SEMA6B: variants seen among roughly 807,000 people sequenced by gnomAD.
SEMA6B encodes semaphorin-6B.
SEMA6B carries 47 observed loss-of-function variants against 78.6 expected under a neutral mutation model. The ratio of observed to expected loss-of-function variants is 0.60; its 90% CI spans 0.47 to 0.76. SEMA6B has a LOEUF of 0.76. Among genes scored for constraint, SEMA6B ranks in the 30% least tolerant of loss-of-function variants. The pLI is 0.00. For synonymous variants in SEMA6B, 632 were observed against 592.2 expected, an observed-to-expected ratio of 1.07 and a Z score of -0.98; for missense variants, 1,213 against 1,269.9, an observed-to-expected ratio of 0.96 and a Z score of 0.68.
intron 14 of SEMA6B, 126 bp downstream of exon 14, chr19:4,547,901 G>A (rs1977210738): frequency 7.9e-7 from 1 of 1,263,316 alleles, no homozygotes; most frequent in African/African-American, 1.5e-5. Context: ...CCTTTGCACG[G>A]GCCATGCCCT....
intron 9 of SEMA6B, 128 bp downstream of exon 9, chr19:4,554,259 AG>A: frequency 1.4e-6 from 1 of 713,476 alleles, no homozygotes; most frequent in Non-Finnish European, 2.4e-6. Flanking sequence ...GCTGGAAAGG[AG>A]GCCCTGGGGA....
At chr19:4,547,249 C>T (rs1002210226) in intron 14 of SEMA6B, among the ~76,000 whole-genome samples, 2 of 152,066 alleles carry the variant, frequency 1.3e-5, no homozygotes, top group Non-Finnish European at 2.9e-5. Context: ...GGATGACAGA[C>T]GTGAGCTACC....
rs770360894 is a variant in SEMA6B at position 4,556,040 on chromosome 19, G to A, written c.419C>T (p.Thr140Met). The stretch of plus-strand genomic sequence containing the variant: ...GGCGTTGGAACCGCACACAAAGAGC[G>A]TGGACTCGTCCCGAAGGAGCAGCAC... ...VKVLLLRDESTLFVCGSNAFN... is the reference protein window; with the variant it reads ...VKVLLLRDESMLFVCGSNAFN... Residue 140 changes from threonine (T) to methionine (M), a missense_variant, in exon 6 of 17, where the codon ACG becomes ATG. Coordinates refer to ENST00000586582, the MANE Select transcript of SEMA6B (RefSeq NM_032108.4). 6.2e-7 allele frequency: 1 copy of A among 1,614,134 alleles called. No homozygotes were observed.
chr19:4,543,374 T>TGGGGGGGGGGGGCCCC lies in SEMA6B; in HGVS notation c.*226_*227insGGGGCCCCCCCCCCCC. ...CAACCTCAAATCCATAGCAAAGTCC[T>TGGGGGGGGGGGGCCCC]CCCGCCCACCCACCCCCAAACCGTC... On this transcript the variant is annotated 3_prime_UTR_variant, in exon 17 of 17. Coordinates refer to ENST00000586582, the MANE Select transcript of SEMA6B (RefSeq NM_032108.4). 2.8e-6 allele frequency: 1 copy of TGGGGGGGGGGGGCCCC among 363,598 alleles called. No individual in the cohort carries two copies. Among genetic ancestry groups the TGGGGGGGGGGGGCCCC allele is most frequent in the Non-Finnish European group, 4.8e-6 (1 of 208,180 alleles). 22.5% of individuals were successfully genotyped at this position (363,598 alleles called of 1,614,324 possible).
At chr19:4,551,747 T>C (rs564531307) in intron 10 of SEMA6B, among the ~76,000 whole-genome samples, 1 of 151,874 alleles carries the variant, frequency 6.6e-6, no homozygotes, top group African/African-American at 2.4e-5. Flanking sequence ...GAGAATTGCT[T>C]GAACCCAGGA....
rs764045862 is a variant in SEMA6B, at chr19:4,555,997, G to T, written c.462C>A (p.Ala154=). The T allele has an allele frequency of 6.2e-7, 1 of 1,613,586 alleles. No homozygotes were observed. Among genetic ancestry groups the T allele is most frequent in the East Asian group, 2.2e-5 (1 of 44,876 alleles). The part of the protein sequence containing the change: ...CGSNAFNPVC[A]NYSIDTLQPV... The stretch of plus-strand genomic sequence containing the variant: ...GAGTCTGAAGACTCACGCTGTAGTT[G>T]GCGCACACCGGGTTGAAGGCGTTGG... Residue 154 remains alanine, a synonymous_variant, in exon 6 of 17, where the codon GCC becomes GCA. Transcript: ENST00000586582. The surrounding 1 kb of genome is among the most constrained non-coding windows in gnomAD (Gnocchi z 6.1).
At position 4,552,691 on chromosome 19, in the gene SEMA6B, CCT is replaced by C. The variant is rs1451488526; in HGVS notation, c.772-54_772-53del. 1.3e-6 allele frequency: 2 copies of C among 1,523,888 alleles called. No homozygotes were observed. The highest frequency in any genetic ancestry group is 2.5e-5 in the South Asian group (2 of 80,134). The allele number at this position is 1,523,888 out of a possible 1,614,324, so 94.4% of individuals were successfully genotyped here. On this transcript the variant is annotated intron_variant, in intron 9 of 16. Coordinates refer to ENST00000586582, the MANE Select transcript of SEMA6B (RefSeq NM_032108.4). This position sits in a 1 kb window ranked among gnomAD's most constrained non-coding sequence, Gnocchi z 7.4. Reference sequence around the variant, plus strand: ...GCCTGAGCTCTGTGTCCCAGGAAGGCCTGTTCACAGGCTGTGCCACTCACCAC... The same window carrying C: ...GCCTGAGCTCTGTGTCCCAGGAAGGCGTTCACAGGCTGTGCCACTCACCAC...
At chr19:4,557,274 C>T (rs1977499196) in intron 3 of SEMA6B, 51 bp from the exon 4 acceptor site, 3 of 1,392,076 alleles carry the variant, frequency 2.2e-6, no homozygotes, top group African/African-American at 1.4e-5. Context: ...CACCCTCTCC[C>T]GTTCCATCCT....
rs1460812279 is a variant in SEMA6B, at chr19:4,553,447, A to AGTGG, written c.772-812_772-809dup. Among the ~76,000 whole-genome samples the AGTGG allele has an allele frequency of 8.3e-3, 641 of 77,386 alleles. 14 individuals carry two copies. Among genetic ancestry groups the AGTGG allele is most frequent in the African/African-American group, 0.037 (602 of 16,256 alleles). 50.8% of individuals were successfully genotyped at this position (77,386 alleles called of 152,430 possible). On this transcript the variant is annotated intron_variant, in intron 9 of 16. Coordinates refer to ENST00000586582, the MANE Select transcript of SEMA6B (RefSeq NM_032108.4). Reference sequence around the variant, plus strand: ...GGATGGGTGGATGGTTGGATGGGTGAGTGGATGGATGGATGGATGGATGGA... The same window carrying AGTGG: ...GGATGGGTGGATGGTTGGATGGGTGAGTGGGTGGATGGATGGATGGATGGATGGA...
chr19:4,551,299 A>G (rs1977326280), intron 10 of SEMA6B, among the ~76,000 whole-genome samples: 2 of 149,092 alleles, frequency 1.3e-5, no homozygotes, highest in Admixed American at 1.3e-4. Context: ...AGGTCACTGT[A>G]ACCTACACCT....
In SEMA6B at chr19:4,550,326, C is replaced by T. The variant is rs569302336; in HGVS notation, c.1122-54G>A. ...GAACGTAAAGGTTCTCATAAAGGGG[C>T]CTGATTCACCAGAGGTACCCATTGC... is the stretch of plus-strand genomic sequence containing the variant. On this transcript the variant is annotated intron_variant, in intron 11 of 16. Transcript: ENST00000586582. The surrounding 1 kb of genome is among the most constrained non-coding windows in gnomAD (Gnocchi z 6.6). 6.9e-6 allele frequency: 11 copies of T among 1,588,608 alleles called. No individual in the cohort carries two copies. The highest frequency in any genetic ancestry group is 6.6e-5 in the South Asian group (6 of 90,446).
Position 4,544,197 on chromosome 19 carries a change from T to C in SEMA6B, c.2071A>G (p.Lys691Glu). 7.9e-7 allele frequency: 1 copy of C among 1,272,082 alleles called. No homozygotes were observed. Among genetic ancestry groups the C allele is most frequent in the Non-Finnish European group, 9.9e-7 (1 of 1,011,120 alleles). 78.8% of individuals were successfully genotyped at this position (1,272,082 alleles called of 1,614,324 possible). Residue 691 changes from lysine (K) to glutamate (E), a missense_variant, in exon 17 of 17, where the codon AAG (lysine) becomes GAG (glutamate). Coordinates refer to ENST00000586582, the MANE Select transcript of SEMA6B (RefSeq NM_032108.4). This position sits in a 1 kb window ranked among gnomAD's most constrained non-coding sequence, Gnocchi z 5.1. ...GGCCCGCCCTGCAGCAGCGTGGCCT[T>C]GGCCCAGCCGTTCTGCATCAGGGGC... ...LAPLMQNGWA[K>E]ATLLQGGPHD...
In SEMA6B at chr19:4,550,917, C is replaced by A. The variant is rs1323242993; in HGVS notation, c.1003G>T (p.Ala335Ser). The A allele has an allele frequency of 6.2e-7, 1 of 1,613,524 alleles. No individual in the cohort carries two copies. Among genetic ancestry groups the A allele is most frequent in the South Asian group, 1.1e-5 (1 of 91,072 alleles). Residue 335 changes from alanine to serine, a missense_variant, in exon 11 of 17, where the codon GCT (alanine) becomes TCT (serine). Coordinates refer to ENST00000586582, the MANE Select transcript of SEMA6B (RefSeq NM_032108.4). The surrounding 1 kb of genome is among the most constrained non-coding windows in gnomAD (Gnocchi z 6.6). ...TGTGTCAGGTCAAAGGCGCAGACAGCCGAGCCAGGGATGCTGAGGGGTTGG... is the reference window on the plus strand; with the variant it reads ...TGTGTCAGGTCAAAGGCGCAGACAGACGAGCCAGGGATGCTGAGGGGTTGG... The part of the protein sequence containing the change: ...STPSNSIPGS[A>S]VCAFDLTQVA...
rs1303432857 is a variant in SEMA6B, at chr19:4,556,026, C to T, written c.433G>A (p.Gly145Ser). 31 of 1,614,026 alleles carry T rather than the reference C, an allele frequency of 1.9e-5. No homozygotes were observed. The highest frequency in any genetic ancestry group is 2.5e-5 in the Non-Finnish European group (29 of 1,180,018). The change falls in exon 6 of 17, where the codon GGT becomes AGT. Residue 145 changes from glycine to serine, a missense_variant. Coordinates refer to ENST00000586582, the MANE Select transcript of SEMA6B (RefSeq NM_032108.4). Reference sequence around the variant, plus strand: ...CACACCGGGTTGAAGGCGTTGGAACCGCACACAAAGAGCGTGGACTCGTCC... The same window carrying T: ...CACACCGGGTTGAAGGCGTTGGAACTGCACACAAAGAGCGTGGACTCGTCC... ...LRDESTLFVC[G>S]SNAFNPVCAN...
rs1371680786 is a variant in SEMA6B, at chr19:4,550,897, C to G, written c.1023G>C (p.Leu341=). 4 of 1,613,466 alleles carry G rather than the reference C, an allele frequency of 2.5e-6. No individual in the cohort carries two copies. In the African/African-American group the frequency reaches 5.3e-5, roughly 22 times the overall value. The part of the protein sequence containing the change: ...IPGSAVCAFD[L]TQVAAVFEGR... ...CTTCAAACACAGCTGCCACCTGTGT[C>G]AGGTCAAAGGCGCAGACAGCCGAGC... Residue 341 remains leucine (L), a synonymous_variant, in exon 11 of 17, where the codon CTG becomes CTC. Coordinates refer to ENST00000586582, the MANE Select transcript of SEMA6B (RefSeq NM_032108.4). The surrounding 1 kb of genome is among the most constrained non-coding windows in gnomAD (Gnocchi z 6.6).
intron 5 of SEMA6B, 117 bp downstream of exon 5, chr19:4,556,834 T>G (rs1412495368): frequency 2.2e-4 from 145 of 662,286 alleles, no homozygotes; most frequent in African/African-American, 2.0e-3. Context: ...TGATTGGGGG[T>G]GGGTTGGGGC....
rs139354638 is a variant in SEMA6B, at chr19:4,550,074, C to A, written c.1271+49G>T. 25 of 1,594,746 alleles carry A rather than the reference C, an allele frequency of 1.6e-5. 1 individual carries two copies. In the South Asian group the frequency reaches 2.7e-4, roughly 17 times the overall value. On this transcript the variant is annotated intron_variant, in intron 12 of 16. Coordinates refer to ENST00000586582, the MANE Select transcript of SEMA6B (RefSeq NM_032108.4). The surrounding 1 kb of genome is among the most constrained non-coding windows in gnomAD (Gnocchi z 6.6). Reference sequence around the variant, plus strand: ...GCATCTGGATCCTCTCACCCTCCATCTACCCCATCCTGTCTCCCCTCGCCA... The same window carrying A: ...GCATCTGGATCCTCTCACCCTCCATATACCCCATCCTGTCTCCCCTCGCCA...
At chr19:4,547,431 G>A (rs1977198864) in intron 14 of SEMA6B, among the ~76,000 whole-genome samples, 1 of 152,232 alleles carries the variant, frequency 6.6e-6, no homozygotes, top group African/African-American at 2.4e-5. Flanking sequence ...CAGAGGCTGT[G>A]CCCTTGGACT....
chr19:4,558,376 G>A lies in SEMA6B; in HGVS notation c.82C>T (p.Pro28Ser), dbSNP rs1599784719. 7.8e-6 allele frequency: 10 copies of A among 1,278,900 alleles called. No homozygotes were observed. The highest frequency in any genetic ancestry group is 1.0e-5 in the Non-Finnish European group (10 of 1,004,468). The allele number at this position is 1,278,900 out of a possible 1,614,324, so 79.2% of individuals were successfully genotyped here. ...ACGCTAAGCGGCGGCGGCTCCTCAG[G>A]AAAGAGGCCGTGGGCGCCCCCCAGT... ...LLLGGAHGLF[P>S]EEPPPLSVAP... Residue 28 changes from proline (P) to serine (S), a missense_variant, in exon 2 of 17, where the codon CCT becomes TCT. Pro to Ser is a moderately conservative substitution (Grantham distance 74, BLOSUM62 -1). Coordinates refer to ENST00000586582, the MANE Select transcript of SEMA6B (RefSeq NM_032108.4). The surrounding 1 kb of genome is among the most constrained non-coding windows in gnomAD (Gnocchi z 5.1).
Sources: gnomAD v4.1 joint callset for allele counts (sites outside exome capture counted in the v4.1 genomes callset) on GRCh38, gnomAD v4.1.1 for gene constraint, Gnocchi (gnomAD v3.1) non-coding constraint, MANE v1.5 for transcripts, NCBI Gene and HGNC (gene_info 2026-07-23, HGNC 2026-07-21) for gene names.